The following PSAP variants were observed in gnomAD, a reference collection of about 807,000 sequenced individuals.
PSAP encodes the protein prosaposin, also known as precursor of saposins.
A neutral mutation model predicts 66.0 loss-of-function variants in PSAP; 25 were observed. The ratio of observed to expected loss-of-function variants is 0.38; its 90% CI spans 0.28 to 0.53. The LOEUF (loss-of-function observed/expected upper bound fraction) is 0.53. PSAP is among the 20% of genes least tolerant of loss of function. The pLI is 0.83. For synonymous variants in PSAP, 273 were observed against 258.9 expected, an observed-to-expected ratio of 1.05 and a Z score of -0.52; for missense variants, 649 against 668.8, an observed-to-expected ratio of 0.97 and a Z score of 0.33.
intron 1 of PSAP, among the ~76,000 whole-genome samples, chr10:71,850,174 T>C (rs760788146): frequency 1.2e-4 from 19 of 152,214 alleles, no homozygotes; most frequent in Non-Finnish European, 2.8e-4. Flanking sequence ...CTTTCCCCTA[T>C]GTTTTCCTTC....
Position 71,819,129 on chromosome 10 carries a change from G to A in PSAP, c.1351-18C>T, listed in dbSNP as rs1373016116. The A allele has an allele frequency of 1.2e-6, 2 of 1,608,306 alleles. No individual in the cohort carries two copies. Among genetic ancestry groups the A allele is most frequent in the Admixed American group, 3.3e-5 (2 of 59,946 alleles). ...TGATCACACTATAAAGGAAAGTGGG[G>A]ACACAGGTCCAGCTCTGGGGGTGTC... On this transcript the variant is annotated intron_variant, in intron 11 of 13. Coordinates refer to ENST00000394936, the MANE Select transcript of PSAP (RefSeq NM_002778.4).
rs568499058 is a variant in PSAP at position 71,831,255 on chromosome 10, C to A, written c.250-4G>T. The A allele has an allele frequency of 1.2e-6, 2 of 1,613,604 alleles. No individual in the cohort carries two copies. Among genetic ancestry groups the A allele is most frequent in the East Asian group, 2.2e-5 (1 of 44,884 alleles). On this transcript the variant is annotated splice_region_variant and splice_polypyrimidine_tract_variant and intron_variant, in intron 3 of 13. Coordinates refer to ENST00000394936, the MANE Select transcript of PSAP (RefSeq NM_002778.4). ...CCAAGTAAACAAGGATCTCCTCCTA[C>A]GAGAGGACACCAGGGTCAGAATCAC...
intron 1 of PSAP, 128 bp downstream of exon 1, chr10:71,851,054 C>A: frequency 9.0e-7 from 1 of 1,107,838 alleles, no homozygotes; most frequent in Non-Finnish European, 1.3e-6. Flanking sequence ...AACGCGCCTG[C>A]GCAGTGCGCG....
chr10:71,843,444 C>T (rs772707914), intron 1 of PSAP, among the ~76,000 whole-genome samples: 1 of 152,174 alleles, frequency 6.6e-6, no homozygotes, highest in Non-Finnish European at 1.5e-5. Flanking sequence ...TACAGAACAG[C>T]ATCCCATCAC....
chr10:71,831,593 A>G (rs1211654874), intron 3 of PSAP, among the ~76,000 whole-genome samples: 2 of 152,226 alleles, frequency 1.3e-5, no homozygotes, highest in African/African-American at 2.4e-5. Flanking sequence ...TAGGCCCTTC[A>G]GCTTATTTCT....
intron 13 of PSAP, 140 bp from the exon 14 acceptor site, chr10:71,817,616 C>T: frequency 1.2e-6 from 1 of 829,802 alleles, no homozygotes. Flanking sequence ...GCTGAAGACC[C>T]AGGACAGGAT....
At chr10:71,834,570 T>C in intron 1 of PSAP, 65 bp from the exon 2 acceptor site, 2 of 1,589,064 alleles carry the variant, frequency 1.3e-6, no homozygotes, top group South Asian at 2.3e-5. Flanking sequence ...CCTGACTTAT[T>C]TCCCCAGGGC....
intron 9 of PSAP, 51 bp from the exon 10 acceptor site, chr10:71,819,951 T>C: frequency 6.7e-7 from 1 of 1,495,950 alleles, no homozygotes; most frequent in South Asian, 1.1e-5. Flanking sequence ...GGACAAGGGT[T>C]GGGGGACATT....
chr10:71,848,010 G>A (rs1842852821), intron 1 of PSAP, among the ~76,000 whole-genome samples: 1 of 152,202 alleles, frequency 6.6e-6, no homozygotes, highest in East Asian at 1.9e-4. Flanking sequence ...GGGAGCACCT[G>A]CCACATCCCA....
At chr10:71,821,836 T>A in intron 8 of PSAP, 40 bp downstream of exon 8, 1 of 1,613,766 alleles carries the variant, frequency 6.2e-7, no homozygotes, top group Non-Finnish European at 8.5e-7. Flanking sequence ...TAGTGTGGCA[T>A]TGCACAGCCC....
intron 6 of PSAP, among the ~76,000 whole-genome samples, chr10:71,827,203 T>C (rs1842412323): frequency 6.6e-6 from 1 of 150,450 alleles, no homozygotes; most frequent in South Asian, 2.1e-4. Context: ...GAGACCATCC[T>C]GGCTAACACA....
chr10:71,818,566 G>C, intron 13 of PSAP, 51 bp downstream of exon 13: 1 of 1,493,862 alleles, frequency 6.7e-7, no homozygotes, highest in Non-Finnish European at 9.3e-7. Flanking sequence ...TTCTCACACA[G>C]GCTACCCCAG....
chr10:71,835,836 A>C (rs1036685494), intron 1 of PSAP, among the ~76,000 whole-genome samples: 3 of 135,946 alleles, frequency 2.2e-5, no homozygotes, highest in Non-Finnish European at 4.6e-5. Context: ...AAAAAAAAAA[A>C]AAACAAAACA....
chr10:71,825,220 G>GC (rs541994623), intron 7 of PSAP, among the ~76,000 whole-genome samples: 3 of 152,156 alleles, frequency 2.0e-5, no homozygotes, highest in African/African-American at 4.8e-5. Context: ...GGGAAAAGGT[G>GC]CCCCCCACCC....
chr10:71,820,469 A>G lies in PSAP; in HGVS notation c.910-134T>C, dbSNP rs181220275. On this transcript the variant is annotated intron_variant, in intron 8 of 13. Transcript: ENST00000394936. ...AGGGCCACTGCCTCCTGAATTCCAA[A>G]TGGCGTGTGGCTTCTAATATCCAAG... The G allele has an allele frequency of 2.2e-3, 1,636 of 745,524 alleles. 8 individuals carry two copies. The highest frequency in any genetic ancestry group is 3.2e-3 in the Non-Finnish European group (1,295 of 407,468). The allele number at this position is 745,524 out of a possible 1,614,324, so 46.2% of individuals were successfully genotyped here. A position where few individuals can be genotyped will look rare whatever the true frequency, so the allele number is the denominator to read the frequency against.
At chr10:71,827,529 C>A (rs181174067) in intron 6 of PSAP, among the ~76,000 whole-genome samples, 72 of 152,022 alleles carry the variant, frequency 4.7e-4, no homozygotes, top group African/African-American at 1.6e-3. Flanking sequence ...GAGTTTGAGA[C>A]CAGCCTGACA....
chr10:71,825,931 C>G, intron 6 of PSAP, 38 bp from the exon 7 acceptor site: 1 of 1,571,054 alleles, frequency 6.4e-7, no homozygotes, highest in South Asian at 1.1e-5. Flanking sequence ...CAAATCACTG[C>G]AACAATGCAC....
In PSAP at chr10:71,817,724, T is replaced by C. The variant is rs138041886; in HGVS notation, c.1540-248A>G. Among the ~76,000 whole-genome samples the C allele has an allele frequency of 3.1e-4, 46 of 150,346 alleles. 2 individuals are homozygous for C. The highest frequency in any genetic ancestry group is 1.1e-3 in the African/African-American group (44 of 40,706). ...ATGCCTGCAGCAGTTTGCAGATGAG[T>C]ACCCACGCAGGCAGGGCTCAGGACC... On this transcript the variant is annotated intron_variant, in intron 13 of 13. Coordinates refer to ENST00000394936, the MANE Select transcript of PSAP (RefSeq NM_002778.4).
intron 2 of PSAP, among the ~76,000 whole-genome samples, chr10:71,833,615 C>T (rs557118740): frequency 6.6e-6 from 1 of 152,344 alleles, no homozygotes; most frequent in African/African-American, 2.4e-5. Context: ...CAGTCAAACA[C>T]AGCCCGTACC....
Sources: allele counts gnomAD v4.1 joint callset (sites outside exome capture counted in the v4.1 genomes callset), GRCh38; gene constraint gnomAD v4.1.1; transcripts MANE v1.5; gene names NCBI Gene and HGNC (gene_info 2026-07-23, HGNC 2026-07-21).